NXN: variants seen among roughly 807,000 people sequenced by gnomAD.
The protein encoded by NXN is nucleoredoxin, also known as nucleoredoxin 1.
In NXN, 16 loss-of-function variants were observed where a neutral mutation model predicts 48.6. That is an observed-to-expected ratio of 0.33 (90% CI 0.22 to 0.50). The LOEUF is 0.50. NXN is among the 20% of genes least tolerant of loss of function. NXN has a pLI of 0.98. For synonymous variants in NXN, 281 were observed against 269.6 expected, an observed-to-expected ratio of 1.04 and a Z score of -0.41; for missense variants, 492 against 605.5, an observed-to-expected ratio of 0.81 and a Z score of 1.97.
At chr17:966,093 G>A (rs2069299318) in intron 1 of NXN, among the ~76,000 whole-genome samples, 1 of 150,888 alleles carries the variant, frequency 6.6e-6, no homozygotes, top group African/African-American at 2.4e-5. Flanking sequence ...TCCAGCTTGG[G>A]CAACAGGAGC....
intron 1 of NXN, among the ~76,000 whole-genome samples, chr17:910,195 T>C (rs901367122): frequency 2.0e-5 from 3 of 152,096 alleles, no homozygotes; most frequent in African/African-American, 7.2e-5. Context: ...GCGGATCACC[T>C]GAGACCAGGA....
chr17:863,037 G>C (rs925668757), intron 1 of NXN, among the ~76,000 whole-genome samples: 2 of 152,132 alleles, frequency 1.3e-5, no homozygotes, highest in African/African-American at 4.8e-5. Context: ...AGTATACTCA[G>C]GGGATTGGTT....
At chr17:896,860 C>CGG in intron 1 of NXN, 3 of 566,060 alleles carry the variant, frequency 5.3e-6, no homozygotes, top group Non-Finnish European at 8.2e-6. Flanking sequence ...CCTGACCACC[C>CGG]GCCCCCGGCC....
chr17:953,340 A>C (rs1262945645), intron 1 of NXN, among the ~76,000 whole-genome samples: 1 of 152,014 alleles, frequency 6.6e-6, no homozygotes, highest in East Asian at 1.9e-4. Context: ...GCTTGAACCC[A>C]GGAGGCGGAG....
At chr17:819,853 C>T (rs1912723794) in intron 4 of NXN, among the ~76,000 whole-genome samples, 1 of 152,230 alleles carries the variant, frequency 6.6e-6, no homozygotes, top group Admixed American at 6.5e-5. Context: ...TTTCTTGCCT[C>T]AGAGCTCAGA....
chr17:864,406 C>A (rs536927491), intron 1 of NXN, among the ~76,000 whole-genome samples: 1 of 152,322 alleles, frequency 6.6e-6, no homozygotes, highest in South Asian at 2.1e-4. Flanking sequence ...TTCCCTAGTT[C>A]CATGTCCCAT....
At chr17:951,099 G>A (rs950789991) in intron 1 of NXN, among the ~76,000 whole-genome samples, 3 of 150,028 alleles carry the variant, frequency 2.0e-5, no homozygotes, top group Non-Finnish European at 3.0e-5. Context: ...CACTTTGGGA[G>A]GCCGAGGCTG....
rs375290049 is a variant in NXN at position 963,726 on chromosome 17, C to A, written c.360+15593G>T. On this transcript the variant is annotated intron_variant, in intron 1 of 7. Coordinates refer to ENST00000336868, the MANE Select transcript of NXN (RefSeq NM_022463.5). ...CCTATTCTTTTTCTGGAAAAACATA[C>A]CAGACACTACTAACAGTGATGTTAT... 4.6e-5 allele frequency among the ~76,000 whole-genome samples: 7 copies of A among 152,118 alleles called. No individual in the cohort carries two copies. In the East Asian group the frequency reaches 7.7e-4, roughly 17 times the overall value.
intron 1 of NXN, among the ~76,000 whole-genome samples, chr17:967,257 G>A (rs952118290): frequency 1.3e-5 from 2 of 152,256 alleles, no homozygotes; most frequent in East Asian, 1.9e-4. Flanking sequence ...CGACCATGCC[G>A]GACTCCTGCT....
At chr17:944,067 G>A (rs573087488) in intron 1 of NXN, among the ~76,000 whole-genome samples, 15 of 151,804 alleles carry the variant, frequency 9.9e-5, no homozygotes, top group East Asian at 3.9e-4. Context: ...ACGAAACCCC[G>A]TCTCTACTAA....
chr17:864,195 G>T, intron 1 of NXN: 14 of 1,212,042 alleles, frequency 1.2e-5, no homozygotes, highest in Non-Finnish European at 1.5e-5. Flanking sequence ...CTCGGTTCCG[G>T]TGAAGGGCAC....
intron 1 of NXN, among the ~76,000 whole-genome samples, chr17:891,764 T>A: frequency 6.6e-6 from 1 of 151,084 alleles, no homozygotes; most frequent in Non-Finnish European, 1.5e-5. Context: ...GAACCTAAGC[T>A]AACCCCACCA....
chr17:878,487 CA>C (rs2068244882), intron 1 of NXN, among the ~76,000 whole-genome samples: 1 of 7,326 alleles, frequency 1.4e-4, no homozygotes, highest in African/African-American at 5.5e-4. Flanking sequence ...GGTGTGGGGG[CA>C]GGGGAGGGGG....
chr17:963,778 TTAA>T (rs894476084), intron 1 of NXN, among the ~76,000 whole-genome samples: 1 of 152,014 alleles, frequency 6.6e-6, no homozygotes, highest in African/African-American at 2.4e-5. Flanking sequence ...ATTGTTACAG[TTAA>T]TAAATAAAAT....
intron 1 of NXN, among the ~76,000 whole-genome samples, chr17:890,322 T>C (rs2068402304): frequency 6.6e-6 from 1 of 152,130 alleles, no homozygotes; most frequent in South Asian, 2.1e-4. Flanking sequence ...ACACTTTTGT[T>C]CCGCAAAGCT....
chr17:908,977 T>C (rs1348165771), intron 1 of NXN, among the ~76,000 whole-genome samples: 1 of 151,848 alleles, frequency 6.6e-6, no homozygotes, highest in Admixed American at 6.6e-5. Flanking sequence ...GTGGTGGCAC[T>C]TGTCTGTAGC....
At chr17:850,429 T>C (rs1016582955) in intron 1 of NXN, among the ~76,000 whole-genome samples, 4 of 152,190 alleles carry the variant, frequency 2.6e-5, no homozygotes, top group Admixed American at 2.6e-4. Context: ...ACGTTTCACA[T>C]GTGTGTGGAC....
At chr17:808,986 T>G (rs1421653060) in intron 5 of NXN, among the ~76,000 whole-genome samples, 1 of 152,222 alleles carries the variant, frequency 6.6e-6, no homozygotes, top group African/African-American at 2.4e-5. Flanking sequence ...CATTATATTC[T>G]TTTAATCACC....
At chr17:957,578 G>A (rs1019322907) in intron 1 of NXN, among the ~76,000 whole-genome samples, 3 of 150,610 alleles carry the variant, frequency 2.0e-5, no homozygotes, top group Non-Finnish European at 4.4e-5. Flanking sequence ...GTTGCAGTGA[G>A]CCAAGATCAA....
Sources: allele counts gnomAD v4.1 joint callset (sites outside exome capture counted in the v4.1 genomes callset), GRCh38; gene constraint gnomAD v4.1.1; transcripts MANE v1.5; gene names NCBI Gene and HGNC (gene_info 2026-07-23, HGNC 2026-07-21).